Variants in EBF1 observed in about 807,000 individuals in gnomAD.
EBF1 encodes transcription factor COE1.
Under a neutral mutation model 68.4 loss-of-function variants are expected in EBF1, and 10 were observed. The ratio of observed to expected loss-of-function variants is 0.15; its 90% confidence interval spans 0.09 to 0.25. The LOEUF (loss-of-function observed/expected upper bound fraction) is 0.25. Among genes scored for constraint, EBF1 ranks in the 10% least tolerant of loss-of-function variants. The pLI is 1.00. For missense variants in EBF1, 509 were observed against 794.4 expected (o/e 0.64, Z 4.32); for synonymous variants, 298 against 299.8 (o/e 0.99, Z 0.06).
intron 7 of EBF1, among the ~76,000 whole-genome samples, chr5:158,833,139 A>G (rs1787957619): frequency 6.8e-6 from 1 of 147,016 alleles, no homozygotes; most frequent in African/African-American, 2.6e-5. Flanking sequence ...CTTCTCTACT[A>G]AAAAAAAAAT....
intron 6 of EBF1, among the ~76,000 whole-genome samples, chr5:159,039,232 A>G (rs1277547651): frequency 6.6e-6 from 1 of 152,212 alleles, no homozygotes; most frequent in Non-Finnish European, 1.5e-5. Context: ...AGAAAAGAAA[A>G]TCTTTTACAC....
At chr5:158,791,058 T>C (rs1051993357) in intron 9 of EBF1, among the ~76,000 whole-genome samples, 2 of 152,138 alleles carry the variant, frequency 1.3e-5, no homozygotes, top group African/African-American at 2.4e-5. Flanking sequence ...CAGTCACTCA[T>C]GCCTGTAATC....
At chr5:159,045,147 A>G (rs1331418064) in intron 6 of EBF1, among the ~76,000 whole-genome samples, 1 of 152,192 alleles carries the variant, frequency 6.6e-6, no homozygotes, top group African/African-American at 2.4e-5. Flanking sequence ...TTAACTTCCG[A>G]AAAGCCAACA....
At chr5:158,834,255 T>G (rs1441609550) in intron 7 of EBF1, among the ~76,000 whole-genome samples, 1 of 152,226 alleles carries the variant, frequency 6.6e-6, no homozygotes, top group Non-Finnish European at 1.5e-5. Context: ...GACCGAAGCA[T>G]GGTTTTAACA....
intron 6 of EBF1, among the ~76,000 whole-genome samples, chr5:158,995,374 C>A (rs1761186703): frequency 6.6e-6 from 1 of 152,132 alleles, no homozygotes; most frequent in Non-Finnish European, 1.5e-5. Context: ...CTTTTAGGCA[C>A]AGTAGCAGAT....
At chr5:158,840,188 G>C in intron 6 of EBF1, 78 bp from the exon 7 acceptor site, 1 of 1,045,912 alleles carries the variant, frequency 9.6e-7, no homozygotes, top group Non-Finnish European at 1.5e-6. Context: ...TCACCCCTGG[G>C]TTGTGCATTC....
chr5:158,782,858 C>T (rs73816058), intron 9 of EBF1, among the ~76,000 whole-genome samples: 3,781 of 152,150 alleles, frequency 0.025, 163 homozygotes, highest in African/African-American at 0.087. Context: ...TGATAATACT[C>T]AACTCTTGTT....
chr5:158,999,450 C>A (rs914049456), intron 6 of EBF1, among the ~76,000 whole-genome samples: 1 of 152,206 alleles, frequency 6.6e-6, no homozygotes, highest in Non-Finnish European at 1.5e-5. Flanking sequence ...CTTGGCTAAG[C>A]GGGAACATGA....
At chr5:158,882,629 T>C (rs1799103610) in intron 6 of EBF1, among the ~76,000 whole-genome samples, 1 of 152,180 alleles carries the variant, frequency 6.6e-6, no homozygotes, top group African/African-American at 2.4e-5. Context: ...TCCAACCTTA[T>C]CACAACAATG....
chr5:158,869,735 T>C (rs991530463), intron 6 of EBF1, among the ~76,000 whole-genome samples: 9 of 152,202 alleles, frequency 5.9e-5, no homozygotes, highest in African/African-American at 2.2e-4. Flanking sequence ...CTTGGAATCA[T>C]GCATGACATA....
At chr5:158,853,485 T>G (rs916595454) in intron 6 of EBF1, among the ~76,000 whole-genome samples, 11 of 152,322 alleles carry the variant, frequency 7.2e-5, no homozygotes, top group Non-Finnish European at 7.3e-5. Context: ...ACATTTGAGA[T>G]GAATCTATAA....
chr5:158,981,041 G>A (rs1161223974), intron 6 of EBF1, among the ~76,000 whole-genome samples: 1 of 152,114 alleles, frequency 6.6e-6, no homozygotes, highest in African/African-American at 2.4e-5. Flanking sequence ...AATCTTAGTT[G>A]GGGATAAGAG....
At chr5:158,715,001 G>A (rs2127496644) in intron 11 of EBF1, among the ~76,000 whole-genome samples, 1 of 152,248 alleles carries the variant, frequency 6.6e-6, no homozygotes, top group Non-Finnish European at 1.5e-5. Context: ...TCTACAAAGT[G>A]AGTGTGGTGC....
chr5:158,864,821 T>C (rs767123608), intron 6 of EBF1, among the ~76,000 whole-genome samples: 7 of 152,116 alleles, frequency 4.6e-5, no homozygotes, highest in South Asian at 2.1e-4. Context: ...AAGGCCAGTG[T>C]GGCTGCAGCA....
intron 6 of EBF1, among the ~76,000 whole-genome samples, chr5:158,965,054 GC>G (rs1753839901): frequency 1.3e-5 from 2 of 152,250 alleles, no homozygotes; most frequent in South Asian, 4.2e-4. Flanking sequence ...GTTGAAAATG[GC>G]CCTGAACTAT....
At chr5:158,908,572 G>C (rs1024133678) in intron 6 of EBF1, among the ~76,000 whole-genome samples, 4 of 152,064 alleles carry the variant, frequency 2.6e-5, no homozygotes, top group Admixed American at 2.0e-4. Flanking sequence ...AAACAGCCTC[G>C]TCACAATGCA....
chr5:158,777,566 T>C (rs747392895), intron 9 of EBF1, 27 bp from the exon 10 acceptor site: 1 of 1,571,190 alleles, frequency 6.4e-7, no homozygotes, highest in Non-Finnish European at 8.6e-7. Flanking sequence ...GGGGGAAAAA[T>C]TGTCATTGCA....
chr5:158,939,590 G>A (rs1812793483), intron 6 of EBF1, among the ~76,000 whole-genome samples: 1 of 152,210 alleles, frequency 6.6e-6, no homozygotes, highest in Non-Finnish European at 1.5e-5. Flanking sequence ...GGTTTATTAT[G>A]CACACAGGGG....
At chr5:158,791,124 G>C (rs1257778557) in intron 9 of EBF1, among the ~76,000 whole-genome samples, 1 of 151,964 alleles carries the variant, frequency 6.6e-6, no homozygotes, top group Non-Finnish European at 1.5e-5. Flanking sequence ...TTTGAGACCA[G>C]CCTGGCCAAC....
Sources: allele counts gnomAD v4.1 joint callset (sites outside exome capture counted in the v4.1 genomes callset), GRCh38; gene constraint gnomAD v4.1.1; transcripts MANE v1.5; gene names NCBI Gene and HGNC (gene_info 2026-07-23, HGNC 2026-07-21).